The following BMPR2 variants were observed in gnomAD, a reference collection of about 807,000 sequenced individuals.
BMPR2 encodes bone morphogenetic protein receptor type 2, also known as bone morphogenetic protein receptor type-2.
BMPR2 carries 29 observed loss-of-function variants against 100.8 expected under a neutral mutation model. The ratio of observed to expected loss-of-function variants is 0.29; its 90% CI spans 0.21 to 0.39. BMPR2 has a LOEUF of 0.39. BMPR2 is among the 10% of genes least tolerant of loss of function. The probability of loss-of-function intolerance (pLI) is 1.00; values close to 1 mark genes in which losing one functional copy is unlikely to be tolerated. For synonymous variants in BMPR2, 382 were observed against 442.3 expected (o/e 0.86, Z 1.71); for missense variants, 1,011 against 1,274.5 (o/e 0.79, Z 3.15).
chr2:202,530,517 C>T (rs939083756), intron 7 of BMPR2, among the ~76,000 whole-genome samples: 2 of 151,854 alleles, frequency 1.3e-5, no homozygotes, highest in Admixed American at 6.6e-5. Context: ...CAGCCCTATA[C>T]TATAAATGAA....
At chr2:202,452,357 G>A (rs1177219842) in intron 1 of BMPR2, among the ~76,000 whole-genome samples, 1 of 152,172 alleles carries the variant, frequency 6.6e-6, no homozygotes, top group Non-Finnish European at 1.5e-5. Flanking sequence ...TTATATGGAT[G>A]TATCACATTT....
intron 3 of BMPR2, among the ~76,000 whole-genome samples, chr2:202,490,150 C>T (rs1346392977): frequency 6.6e-6 from 1 of 152,216 alleles, no homozygotes; most frequent in African/African-American, 2.4e-5. Context: ...TTATATTTGT[C>T]AGCTTCTCAT....
chr2:202,382,062 T>TG (rs1559019908), intron 1 of BMPR2, among the ~76,000 whole-genome samples: 2 of 146,282 alleles, frequency 1.4e-5, no homozygotes, highest in Non-Finnish European at 3.0e-5. Context: ...GTTTTTGTTT[T>TG]TTTTTTTTTT....
At chr2:202,393,469 TA>T (rs999700040) in intron 1 of BMPR2, among the ~76,000 whole-genome samples, 6 of 151,936 alleles carry the variant, frequency 3.9e-5, no homozygotes, top group Admixed American at 6.6e-5. Context: ...AAAATATATA[TA>T]TTTTTTTGTA....
In BMPR2 at chr2:202,467,446, G is replaced by C. The variant is rs576336346; in HGVS notation, c.248-73G>C. ...TACTCTCACATTTATTGAAATTACT[G>C]CTTAGTTTGTTGTTTTTCTCTTAGT... On this transcript the variant is annotated intron_variant, in intron 2 of 12. Transcript: ENST00000374580. 5 of 1,289,134 alleles carry C rather than the reference G, an allele frequency of 3.9e-6. No individual in the cohort carries two copies. In the South Asian group the frequency reaches 6.0e-5, roughly 15 times the overall value. 79.9% of individuals were successfully genotyped at this position (1,289,134 alleles called of 1,614,324 possible). A position where few individuals can be genotyped will look rare whatever the true frequency, so the allele number is the denominator to read the frequency against.
chr2:202,539,828 T>A (rs1386573372), intron 9 of BMPR2, among the ~76,000 whole-genome samples: 1 of 152,142 alleles, frequency 6.6e-6, no homozygotes, highest in Non-Finnish European at 1.5e-5. Flanking sequence ...AAGCAGGTAA[T>A]GGTATCTGAT....
intron 1 of BMPR2, among the ~76,000 whole-genome samples, chr2:202,403,463 G>A (rs1690813978): frequency 6.6e-6 from 1 of 152,176 alleles, no homozygotes; most frequent in South Asian, 2.1e-4. Flanking sequence ...CTTCCAAAGT[G>A]CTGGGATTAC....
At chr2:202,390,313 G>A (rs1236855223) in intron 1 of BMPR2, among the ~76,000 whole-genome samples, 2 of 150,248 alleles carry the variant, frequency 1.3e-5, no homozygotes, top group African/African-American at 2.5e-5. Context: ...TAGTGTATGA[G>A]AACCTCCCTT....
At chr2:202,527,926 G>A (rs1687948383) in intron 7 of BMPR2, among the ~76,000 whole-genome samples, 1 of 152,170 alleles carries the variant, frequency 6.6e-6, no homozygotes, top group Admixed American at 6.5e-5. Context: ...GTTCATCCCT[G>A]TAATCCCAGC....
At chr2:202,404,308 C>T (rs1014452239) in intron 1 of BMPR2, among the ~76,000 whole-genome samples, 4 of 151,554 alleles carry the variant, frequency 2.6e-5, no homozygotes, top group African/African-American at 9.7e-5. Flanking sequence ...TCTCCTGCCT[C>T]AGCCTCCCAA....
intron 1 of BMPR2, among the ~76,000 whole-genome samples, chr2:202,394,927 C>T (rs1690629683): frequency 6.6e-6 from 1 of 151,598 alleles, no homozygotes. Context: ...ACTCTGTTTC[C>T]CAGGCTGGAG....
intron 3 of BMPR2, 65 bp downstream of exon 3, chr2:202,467,754 A>T (rs1692356702): frequency 5.9e-6 from 9 of 1,518,238 alleles, no homozygotes; most frequent in Admixed American, 1.7e-5. Context: ...ATATAAAAAA[A>T]CTTAAAAAAC....
At position 202,464,992 on chromosome 2, in the gene BMPR2, T is replaced by C. The variant is rs1692292519; in HGVS notation, c.247+13T>C. Reference sequence around the variant, plus strand: ...CTTGTAAAACAAGGCAAGTGATACTTTCCTTACCTGAAATGACTGTGTTTT... The same window carrying C: ...CTTGTAAAACAAGGCAAGTGATACTCTCCTTACCTGAAATGACTGTGTTTT... On this transcript the variant is annotated intron_variant, in intron 2 of 12. Transcript: ENST00000374580. 1 of 1,613,658 alleles carries C rather than the reference T, an allele frequency of 6.2e-7. No homozygotes were observed. The highest frequency in any genetic ancestry group is 1.3e-5 in the African/African-American group (1 of 74,914).
intron 3 of BMPR2, among the ~76,000 whole-genome samples, chr2:202,470,810 T>C (rs1292627099): frequency 6.6e-6 from 1 of 150,844 alleles, no homozygotes; most frequent in Non-Finnish European, 1.5e-5. Context: ...AAAGAGCCTG[T>C]AATCCCAGCA....
intron 7 of BMPR2, among the ~76,000 whole-genome samples, chr2:202,527,924 C>T (rs1687948332): frequency 6.6e-6 from 1 of 152,176 alleles, no homozygotes; most frequent in Non-Finnish European, 1.5e-5. Flanking sequence ...TAGTTCATCC[C>T]TGTAATCCCA....
rs1688571984 is a variant in BMPR2, at chr2:202,556,374, TAAC to T, written c.2717_2719del (p.Asn906del). On this transcript the variant is annotated inframe_deletion, in exon 12 of 13. Transcript: ENST00000374580. ...TAGAAGGTGGCCGAACTAATTCCAA[TAAC>T]AACAACAGCAATCCATGTTCAGAAC... 8.1e-6 allele frequency: 13 copies of T among 1,614,028 alleles called. No individual in the cohort carries two copies. Among genetic ancestry groups the T allele is most frequent in the South Asian group, 2.2e-5 (2 of 91,074 alleles).
chr2:202,546,591 G>GTTTTGTTTTTGT (rs146918049), intron 10 of BMPR2, among the ~76,000 whole-genome samples: 1 of 151,946 alleles, frequency 6.6e-6, no homozygotes, highest in Non-Finnish European at 1.5e-5. Flanking sequence ...CATACACATG[G>GTTTTGTTTTTGT]TTTTGTTTTT....
At chr2:202,513,966 G>A (rs1182238884) in intron 4 of BMPR2, 137 bp downstream of exon 4, 7 of 625,950 alleles carry the variant, frequency 1.1e-5, no homozygotes, top group African/African-American at 3.7e-5. Flanking sequence ...ATAGTATCAC[G>A]TATGGACAGT....
chr2:202,528,779 C>T (rs558593652), intron 7 of BMPR2, among the ~76,000 whole-genome samples: 1 of 152,238 alleles, frequency 6.6e-6, no homozygotes, highest in African/African-American at 2.4e-5. Flanking sequence ...ACTGCTTTCC[C>T]ACCACTGTAA....
Sources: allele counts gnomAD v4.1 joint callset (sites outside exome capture counted in the v4.1 genomes callset), GRCh38; gene constraint gnomAD v4.1.1; transcripts MANE v1.5; gene names NCBI Gene and HGNC (gene_info 2026-07-23, HGNC 2026-07-21).